The following KSR2 variants were observed in gnomAD, a reference collection of about 807,000 sequenced individuals.
KSR2 encodes the protein kinase suppressor of ras 2.
KSR2 carries 25 observed loss-of-function variants against 107.8 expected under a neutral mutation model. The ratio of observed to expected loss-of-function variants is 0.23; its 90% CI spans 0.17 to 0.32. The LOEUF (loss-of-function observed/expected upper bound fraction) is 0.32. Ranked by LOEUF, KSR2 falls within the 10% of genes least tolerant of loss-of-function variation. The pLI is 1.00. For missense variants in KSR2, 887 were observed against 1,268.9 expected, an observed-to-expected ratio of 0.70 and a Z score of 4.57; for synonymous variants, 480 against 507.0, an observed-to-expected ratio of 0.95 and a Z score of 0.71.
intron 5 of KSR2, among the ~76,000 whole-genome samples, chr12:117,646,907 CA>C (rs1883672781): frequency 6.6e-6 from 1 of 152,048 alleles, no homozygotes; most frequent in Non-Finnish European, 1.5e-5. Flanking sequence ...GAAGGGCTGC[CA>C]GTGTTCATGA....
chr12:117,579,590 G>T (rs1879518670), intron 6 of KSR2, among the ~76,000 whole-genome samples: 1 of 152,160 alleles, frequency 6.6e-6, no homozygotes, highest in Non-Finnish European at 1.5e-5. Flanking sequence ...GGTCAGTTCT[G>T]GGACAGAGCA....
chr12:117,946,128 A>C (rs1896173336), intron 1 of KSR2, among the ~76,000 whole-genome samples: 1 of 152,196 alleles, frequency 6.6e-6, no homozygotes, highest in African/African-American at 2.4e-5. Flanking sequence ...AGAGTTCTCA[A>C]GTCAACTAGT....
In KSR2 at chr12:117,773,309, C is replaced by A. The variant is rs752532483; in HGVS notation, c.473-11785G>T. Among the ~76,000 whole-genome samples, 17 of 152,224 alleles carry A rather than the reference C, an allele frequency of 1.1e-4. 1 individual carries two copies. In the Middle Eastern group the frequency reaches 0.01, roughly 91 times the overall value. On this transcript the variant is annotated intron_variant, in intron 3 of 19. Coordinates refer to ENST00000339824, the MANE Select transcript of KSR2 (RefSeq NM_173598.6). ...GGAGAAGGGAATAGGTTTTTAAGAA[C>A]TGAAAGGTCTGAAGATTGATTAAAG...
chr12:117,469,559 G>A (rs1755868792), intron 19 of KSR2, 103 bp downstream of exon 19: 4 of 1,364,218 alleles, frequency 2.9e-6, no homozygotes, highest in Admixed American at 4.1e-5. Context: ...ACATGGATAG[G>A]AGCTTGTTGG....
intron 5 of KSR2, among the ~76,000 whole-genome samples, chr12:117,603,313 A>G (rs1881056995): frequency 6.6e-6 from 1 of 152,258 alleles, no homozygotes; most frequent in Non-Finnish European, 1.5e-5. Context: ...AAGTGATTTT[A>G]GCCAATGTTT....
At chr12:117,771,870 T>C in intron 3 of KSR2, among the ~76,000 whole-genome samples, 2 of 144,810 alleles carry the variant, frequency 1.4e-5, no homozygotes, top group Non-Finnish European at 1.5e-5. Context: ...CACATACCAC[T>C]CCCCCAAAGA....
chr12:117,519,160 G>C (rs1225146053), intron 14 of KSR2, among the ~76,000 whole-genome samples: 1 of 152,192 alleles, frequency 6.6e-6, no homozygotes, highest in Non-Finnish European at 1.5e-5. Flanking sequence ...GCTAACAGAT[G>C]GCTCTCAGGC....
chr12:117,618,204 T>A (rs936232341), intron 5 of KSR2, among the ~76,000 whole-genome samples: 2 of 152,162 alleles, frequency 1.3e-5, no homozygotes, highest in African/African-American at 4.8e-5. Context: ...AATCAAGGAT[T>A]GAGCAGATTT....
At chr12:117,500,491 T>C (rs1214674269) in intron 14 of KSR2, among the ~76,000 whole-genome samples, 1 of 152,190 alleles carries the variant, frequency 6.6e-6, no homozygotes, top group Non-Finnish European at 1.5e-5. Context: ...ATGGGGAAAC[T>C]GAGACTCAAG....
intron 2 of KSR2, among the ~76,000 whole-genome samples, chr12:117,860,046 A>T (rs1268281404): frequency 2.6e-5 from 4 of 152,242 alleles, no homozygotes; most frequent in Non-Finnish European, 4.4e-5. Flanking sequence ...TGATTTGGCC[A>T]AGGTGACTCT....
intron 5 of KSR2, among the ~76,000 whole-genome samples, chr12:117,588,993 A>C (rs10850848): frequency 0.15 from 22,770 of 152,278 alleles, 1,886 homozygotes; most frequent in Non-Finnish European, 0.18. Context: ...TTGTATCCAT[A>C]GTTTACAGAT....
At chr12:117,488,254 A>C (rs1013625087) in intron 14 of KSR2, among the ~76,000 whole-genome samples, 1 of 152,188 alleles carries the variant, frequency 6.6e-6, no homozygotes, top group African/African-American at 2.4e-5. Flanking sequence ...CTTTATTAGC[A>C]GCGTGAAAAC....
chr12:117,494,618 G>A (rs1872923858), intron 14 of KSR2, among the ~76,000 whole-genome samples: 1 of 152,200 alleles, frequency 6.6e-6, no homozygotes, highest in African/African-American at 2.4e-5. Context: ...TCTAGGTGCA[G>A]GAGATACTGT....
chr12:117,839,116 C>G (rs1208236370), intron 3 of KSR2, among the ~76,000 whole-genome samples: 2 of 152,248 alleles, frequency 1.3e-5, no homozygotes, highest in African/African-American at 4.8e-5. Flanking sequence ...CCCACACGAT[C>G]TCATTCCTGA....
At chr12:117,517,824 T>A (rs1217103557) in intron 14 of KSR2, 1 of 455,900 alleles carries the variant, frequency 2.2e-6, no homozygotes, top group Non-Finnish European at 4.4e-6. Context: ...CCAACTCCTG[T>A]ACGTTATATT....
chr12:117,509,515 A>G (rs548741885), intron 14 of KSR2, among the ~76,000 whole-genome samples: 1 of 152,356 alleles, frequency 6.6e-6, no homozygotes, highest in East Asian at 1.9e-4. Context: ...ACTGCAGCTT[A>G]TTGACAAGAT....
chr12:117,923,706 T>G (rs545419991), intron 1 of KSR2, among the ~76,000 whole-genome samples: 1 of 152,048 alleles, frequency 6.6e-6, no homozygotes, highest in African/African-American at 2.4e-5. Flanking sequence ...TGTATGTGTA[T>G]ATATACGTAT....
intron 14 of KSR2, among the ~76,000 whole-genome samples, chr12:117,501,918 G>A (rs1093290): frequency 0.087 from 13,310 of 152,220 alleles, 663 homozygotes; most frequent in East Asian, 0.22. Context: ...GGCAGCTCCT[G>A]GACATTAAAT....
intron 4 of KSR2, among the ~76,000 whole-genome samples, chr12:117,685,525 C>T (rs1426433625): frequency 1.3e-5 from 2 of 152,212 alleles, no homozygotes; most frequent in Non-Finnish European, 2.9e-5. Flanking sequence ...GGCAGGCTTC[C>T]ATCAGCCCAG....
Sources: gnomAD v4.1 joint callset for allele counts (sites outside exome capture counted in the v4.1 genomes callset) on GRCh38, gnomAD v4.1.1 for gene constraint, MANE v1.5 for transcripts, NCBI Gene and HGNC (gene_info 2026-07-23, HGNC 2026-07-21) for gene names.